The following ZFHX3 variants were observed in gnomAD, a reference collection of about 807,000 sequenced individuals.
The protein encoded by ZFHX3 is zinc finger homeobox protein 3.
A neutral mutation model predicts 279.1 loss-of-function variants in ZFHX3; 42 were observed. The observed-to-expected ratio is 0.15, with a 90% confidence interval of 0.12 to 0.19. The LOEUF (loss-of-function observed/expected upper bound fraction) is 0.19. Ranked by LOEUF, ZFHX3 falls within the 10% of genes least tolerant of loss-of-function variation. ZFHX3 has a pLI of 1.00. For missense variants in ZFHX3, 4,981 were observed against 4,754.0 expected (o/e 1.05, Z -1.40); for synonymous variants, 2,293 against 1,957.8 (o/e 1.17, Z -4.52).
At chr16:73,016,245 G>A (rs1964098849) in intron 1 of ZFHX3, among the ~76,000 whole-genome samples, 1 of 152,186 alleles carries the variant, frequency 6.6e-6, no homozygotes, top group Non-Finnish European at 1.5e-5. Context: ...CAATTAACCT[G>A]AAGTATTATG....
chr16:73,313,876 G>A (rs1403900803), intron 4 of ZFHX3, among the ~76,000 whole-genome samples: 1 of 152,214 alleles, frequency 6.6e-6, no homozygotes, highest in Non-Finnish European at 1.5e-5. Flanking sequence ...GGGAGGCTGT[G>A]GCCGGTGGAT....
chr16:73,598,087 G>C (rs2052071028), intron 2 of ZFHX3, among the ~76,000 whole-genome samples: 1 of 152,172 alleles, frequency 6.6e-6, no homozygotes, highest in African/African-American at 2.4e-5. Flanking sequence ...AAGGGCTCCT[G>C]TTAGGCTGCT....
intron 2 of ZFHX3, among the ~76,000 whole-genome samples, chr16:73,582,431 T>C (rs1417280995): frequency 6.7e-6 from 1 of 150,140 alleles, no homozygotes; most frequent in Non-Finnish European, 1.5e-5. Context: ...AGTTAGGATA[T>C]AGGAAGACAG....
chr16:73,602,280 G>C (rs2052126695), intron 2 of ZFHX3, among the ~76,000 whole-genome samples: 1 of 152,086 alleles, frequency 6.6e-6, no homozygotes, highest in Non-Finnish European at 1.5e-5. Flanking sequence ...TGTTTAATTT[G>C]GGAGGCCACG....
intron 2 of ZFHX3, among the ~76,000 whole-genome samples, chr16:73,633,001 C>T (rs1263006518): frequency 6.6e-6 from 1 of 152,178 alleles, no homozygotes; most frequent in Non-Finnish European, 1.5e-5. Context: ...ATGGTGTGAA[C>T]CCTGGAGGAG....
At chr16:73,185,450 C>T (rs1454808446) in intron 5 of ZFHX3, among the ~76,000 whole-genome samples, 1 of 152,108 alleles carries the variant, frequency 6.6e-6, no homozygotes. Flanking sequence ...AGTCAAGAGC[C>T]CACACTCTTA....
intron 2 of ZFHX3, chr16:73,499,691 T>C (rs1023252909): frequency 5.9e-5 from 9 of 152,180 alleles, no homozygotes; most frequent in African/African-American, 1.7e-4. Flanking sequence ...GAAGAAAATA[T>C]GTAAACAGGA....
chr16:73,569,360 AATCCTATTAAG>A (rs2051710505), intron 2 of ZFHX3, among the ~76,000 whole-genome samples: 2 of 151,778 alleles, frequency 1.3e-5, no homozygotes, highest in African/African-American at 4.8e-5. Flanking sequence ...CCTGGCTTTT[AATCCTATTAAG>A]ATCATGGCTG....
chr16:73,129,771 C>G (rs1966643215), intron 7 of ZFHX3, among the ~76,000 whole-genome samples: 1 of 151,874 alleles, frequency 6.6e-6, no homozygotes, highest in Non-Finnish European at 1.5e-5. Context: ...TGCTCATGCT[C>G]CTTTCAACCG....
chr16:73,297,124 G>A (rs1337836658), intron 4 of ZFHX3, among the ~76,000 whole-genome samples: 2 of 151,754 alleles, frequency 1.3e-5, no homozygotes, highest in African/African-American at 4.9e-5. Context: ...TGATCCGCCC[G>A]CCTAGGCCTC....
Position 72,797,935 on chromosome 16 carries a change from C to T in ZFHX3, c.4747G>A (p.Gly1583Ser), listed in dbSNP as rs139530177. 30 of 1,614,018 alleles carry T rather than the reference C, an allele frequency of 1.9e-5. No homozygotes were observed. The highest frequency in any genetic ancestry group is 2.7e-5 in the African/African-American group (2 of 74,890). The change falls in exon 9 of 10, where the codon GGT (glycine) becomes AGT (serine). Residue 1583 changes from glycine (G) to serine (S), a missense_variant. Physicochemically the swap from Gly to Ser is moderately conservative, Grantham distance 56. Around this residue, in one of 7 missense-constraint regions of ZFHX3, gnomAD observed 1,751 missense variants for 1,770.0 expected, o/e 0.99. Coordinates refer to ENST00000268489, the MANE Select transcript of ZFHX3 (RefSeq NM_006885.4). The stretch of plus-strand genomic sequence containing the variant: ...GGGCTGCTGGTGGGTTCTGGCTGAC[C>T]GGTTGCTGATTCTTGAAGGGCTCTC... ...LKRALQESAT[G>S]QPEPTSSPDN...
In ZFHX3 at chr16:73,641,134, C is replaced by A. The variant is rs926604354; in HGVS notation, c.-1547+39046G>T. Among the ~76,000 whole-genome samples, 7 of 152,160 alleles carry A rather than the reference C, an allele frequency of 4.6e-5. No homozygotes were observed. In the East Asian group the frequency reaches 1.3e-3, roughly 29 times the overall value. ...GGGTTGGAATAAAGATATTTTTAGA[C>A]AGTTAAGTTCTCAAGACATTTACCT... On this transcript the variant is annotated intron_variant, in intron 2 of 17. Transcript: ENST00000641206.
chr16:73,396,750 G>C (rs2017137997), intron 3 of ZFHX3, among the ~76,000 whole-genome samples: 1 of 152,156 alleles, frequency 6.6e-6, no homozygotes, highest in Admixed American at 6.5e-5. Flanking sequence ...CTCCCACCAG[G>C]TCCCTCCCTC....
chr16:72,982,495 T>C (rs919591588), intron 1 of ZFHX3, among the ~76,000 whole-genome samples: 1 of 152,084 alleles, frequency 6.6e-6, no homozygotes, highest in African/African-American at 2.4e-5. Flanking sequence ...AGCTTCCAAA[T>C]CCTTCCAAAA....
intron 2 of ZFHX3, among the ~76,000 whole-genome samples, chr16:73,514,085 A>G (rs1192956998): frequency 6.6e-6 from 1 of 152,072 alleles, no homozygotes; most frequent in Non-Finnish European, 1.5e-5. Flanking sequence ...TGTCTCTACT[A>G]AAAATACAAA....
At chr16:72,935,478 C>T (rs532829132) in intron 3 of ZFHX3, among the ~76,000 whole-genome samples, 1 of 152,276 alleles carries the variant, frequency 6.6e-6, no homozygotes, top group South Asian at 2.1e-4. Flanking sequence ...CGGTAGCTCA[C>T]ACCTGTAATC....
intron 2 of ZFHX3, among the ~76,000 whole-genome samples, chr16:73,589,306 T>C (rs536537201): frequency 7.4e-6 from 1 of 135,068 alleles, no homozygotes; most frequent in East Asian, 2.2e-4. Flanking sequence ...TGTGGTGGCA[T>C]GCACCTGTAT....
intron 2 of ZFHX3, among the ~76,000 whole-genome samples, chr16:73,625,047 A>AG (rs2052402530): frequency 6.6e-6 from 1 of 152,206 alleles, no homozygotes; most frequent in African/African-American, 2.4e-5. Flanking sequence ...CACTTTCTAG[A>AG]GGAAAAAGAG....
At chr16:73,221,069 G>C (rs553406913) in intron 5 of ZFHX3, among the ~76,000 whole-genome samples, 2 of 152,274 alleles carry the variant, frequency 1.3e-5, no homozygotes, top group African/African-American at 2.4e-5. Flanking sequence ...GAATTCATTA[G>C]GGACAAAGAC....
Sources: allele counts gnomAD v4.1 joint callset (sites outside exome capture counted in the v4.1 genomes callset), GRCh38; gene constraint gnomAD v4.1.1; regional missense constraint gnomAD v4.1.1; transcripts MANE v1.5; gene names NCBI Gene and HGNC (gene_info 2026-07-23, HGNC 2026-07-21).